NAALADL2: variants seen among roughly 807,000 people sequenced by gnomAD.
NAALADL2 encodes N-acetylated alpha-linked acidic dipeptidase like 2.
A neutral mutation model predicts 87.2 loss-of-function variants in NAALADL2; 76 were observed. The ratio of observed to expected loss-of-function variants is 0.87; its 90% CI spans 0.72 to 1.05. The LOEUF (loss-of-function observed/expected upper bound fraction) is 1.05. Among genes scored for constraint, NAALADL2 ranks in the 50% least tolerant of loss-of-function variants. NAALADL2 has a pLI of 0.00. For missense variants in NAALADL2, 1,089 were observed against 945.8 expected (o/e 1.15, Z -1.99); for synonymous variants, 354 against 331.0 (o/e 1.07, Z -0.75).
intron 1 of NAALADL2, among the ~76,000 whole-genome samples, chr3:174,482,509 A>G (rs915190191): frequency 2.6e-5 from 4 of 152,092 alleles, no homozygotes; most frequent in African/African-American, 9.7e-5. Context: ...TATTGATGCT[A>G]AAGAACTTAA....
chr3:175,639,501 T>C (rs1487731382), intron 11 of NAALADL2, among the ~76,000 whole-genome samples: 2 of 151,936 alleles, frequency 1.3e-5, no homozygotes, highest in East Asian at 1.9e-4. Context: ...TTTGTATTTT[T>C]AGTAGATACG....
At chr3:175,062,555 CAGCT>C (rs902084661) in intron 1 of NAALADL2, among the ~76,000 whole-genome samples, 3 of 149,780 alleles carry the variant, frequency 2.0e-5, no homozygotes, top group African/African-American at 7.4e-5. Context: ...TTGAAATGCC[CAGCT>C]ATTTCTTCCA....
At chr3:175,443,924 G>A (rs1037242558) in intron 5 of NAALADL2, among the ~76,000 whole-genome samples, 2 of 152,180 alleles carry the variant, frequency 1.3e-5, no homozygotes, top group African/African-American at 4.8e-5. Context: ...AAGATGACTT[G>A]TAAGTTGGGC....
At chr3:175,743,885 A>G (rs991755716) in intron 12 of NAALADL2, among the ~76,000 whole-genome samples, 1 of 152,206 alleles carries the variant, frequency 6.6e-6, no homozygotes, top group Admixed American at 6.5e-5. Context: ...AAAAGAGAGT[A>G]TCTCTATGTG....
At position 174,938,849 on chromosome 3, in the gene NAALADL2, T is replaced by C. The variant is rs182429173; in HGVS notation, c.43+79399T>C. Among the ~76,000 whole-genome samples the C allele has an allele frequency of 5.2e-3, 797 of 152,112 alleles. 12 individuals are homozygous for C. The highest frequency in any genetic ancestry group is 4.0e-3 in the Non-Finnish European group (272 of 67,904). On this transcript the variant is annotated intron_variant, in intron 1 of 13. Transcript: ENST00000454872. Reference sequence around the variant, plus strand: ...ACAAAGTATCTGTTCATATCCTTTGTCTACTTTTTAATGAGGTTGTTTGTT... The same window carrying C: ...ACAAAGTATCTGTTCATATCCTTTGCCTACTTTTTAATGAGGTTGTTTGTT...
intron 3 of NAALADL2, among the ~76,000 whole-genome samples, chr3:174,815,830 G>GTTTTTTTTTTTTTTTTTTTTTTTTTTT (rs10589968): frequency 8.7e-6 from 1 of 115,196 alleles, no homozygotes; most frequent in Non-Finnish European, 1.8e-5. Flanking sequence ...TTTGACTTTA[G>GTTTTTTTTTTTTTTTTTTTTTTTTTTT]TTTTTTTTTT....
chr3:175,561,730 C>A (rs1222440692), intron 9 of NAALADL2, among the ~76,000 whole-genome samples: 1 of 152,254 alleles, frequency 6.6e-6, no homozygotes, highest in East Asian at 1.9e-4. Flanking sequence ...TTAATTTCAC[C>A]TTTATCCTCC....
intron 2 of NAALADL2, among the ~76,000 whole-genome samples, chr3:175,154,815 A>G (rs1262066882): frequency 1.3e-5 from 2 of 152,188 alleles, no homozygotes; most frequent in Non-Finnish European, 2.9e-5. Flanking sequence ...GCAAAATCTC[A>G]AATGTCTATT....
chr3:174,881,252 T>A (rs964664052), intron 1 of NAALADL2, among the ~76,000 whole-genome samples: 2 of 152,118 alleles, frequency 1.3e-5, no homozygotes, highest in African/African-American at 4.8e-5. Flanking sequence ...ACTGTCTGTT[T>A]AGGATTGCAA....
intron 2 of NAALADL2, among the ~76,000 whole-genome samples, chr3:175,148,633 A>G (rs1361338098): frequency 2.0e-5 from 3 of 152,110 alleles, no homozygotes; most frequent in Admixed American, 1.3e-4. Flanking sequence ...GATGAAAGGT[A>G]GGGGTCCACT....
chr3:174,503,937 T>C (rs1719052573), intron 1 of NAALADL2, among the ~76,000 whole-genome samples: 1 of 152,132 alleles, frequency 6.6e-6, no homozygotes, highest in African/African-American at 2.4e-5. Context: ...TTTTTACCAG[T>C]TGTTTTTAAA....
At chr3:175,721,945 T>C (rs1742295732) in intron 11 of NAALADL2, among the ~76,000 whole-genome samples, 1 of 152,086 alleles carries the variant, frequency 6.6e-6, no homozygotes, top group African/African-American at 2.4e-5. Flanking sequence ...CTCACTACCA[T>C]TTGCATATTT....
intron 2 of NAALADL2, among the ~76,000 whole-genome samples, chr3:174,649,734 T>A (rs1407505191): frequency 2.6e-5 from 4 of 152,132 alleles, no homozygotes; most frequent in Non-Finnish European, 5.9e-5. Flanking sequence ...TACACACAGA[T>A]GAATGGAATA....
At chr3:175,581,902 T>C (rs1027735538) in intron 10 of NAALADL2, among the ~76,000 whole-genome samples, 2 of 152,200 alleles carry the variant, frequency 1.3e-5, no homozygotes, top group African/African-American at 4.8e-5. Flanking sequence ...ATTTGAGCTG[T>C]GATTCTATAT....
chr3:175,590,795 A>G (rs1037210446), intron 10 of NAALADL2, among the ~76,000 whole-genome samples: 11 of 152,218 alleles, frequency 7.2e-5, no homozygotes, highest in East Asian at 3.9e-4. Context: ...GAGAGGATAC[A>G]ATGAAAACAA....
intron 9 of NAALADL2, among the ~76,000 whole-genome samples, chr3:175,549,994 T>A (rs1236373678): frequency 6.6e-6 from 1 of 152,070 alleles, no homozygotes; most frequent in Admixed American, 6.6e-5. Flanking sequence ...AGCTTATATA[T>A]CATTTTAACA....
At chr3:175,472,434 A>T (rs1016404181) in intron 9 of NAALADL2, among the ~76,000 whole-genome samples, 1 of 152,138 alleles carries the variant, frequency 6.6e-6, no homozygotes, top group Non-Finnish European at 1.5e-5. Context: ...ATTTCACTAC[A>T]GATAAAATAT....
At chr3:175,476,337 C>G (rs1560615746) in intron 9 of NAALADL2, among the ~76,000 whole-genome samples, 1 of 152,018 alleles carries the variant, frequency 6.6e-6, no homozygotes, top group South Asian at 2.1e-4. Flanking sequence ...AGATGAAATG[C>G]CCCTGTTGCC....
At chr3:174,900,827 A>G (rs996026678) in intron 1 of NAALADL2, among the ~76,000 whole-genome samples, 2 of 152,096 alleles carry the variant, frequency 1.3e-5, no homozygotes, top group African/African-American at 2.4e-5. Context: ...AAGCAGAAAA[A>G]TGTTCACTAA....
Sources: gnomAD v4.1 joint callset for allele counts (sites outside exome capture counted in the v4.1 genomes callset) on GRCh38, gnomAD v4.1.1 for gene constraint, MANE v1.5 for transcripts, NCBI Gene and HGNC (gene_info 2026-07-23, HGNC 2026-07-21) for gene names.